The following SLCO1A2 variants were observed in gnomAD, a reference collection of about 807,000 sequenced individuals.
SLCO1A2 encodes the protein solute carrier organic anion transporter family member 1A2, also known as OATP-1.
Under a neutral mutation model 69.0 loss-of-function variants are expected in SLCO1A2, and 67 were observed. That is an observed-to-expected ratio of 0.97 (90% CI 0.80 to 1.19). The LOEUF (loss-of-function observed/expected upper bound fraction) is 1.19. Among genes scored for constraint, SLCO1A2 ranks in the 50% most tolerant of loss-of-function variants. The pLI is 0.00. For missense variants in SLCO1A2, 787 were observed against 793.7 expected (o/e 0.99, Z 0.10); for synonymous variants, 260 against 265.9 (o/e 0.98, Z 0.22).
intron 12 of SLCO1A2, among the ~76,000 whole-genome samples, chr12:21,276,422 A>AGT (rs1398715143): frequency 1.4e-5 from 2 of 148,116 alleles, no homozygotes; most frequent in Non-Finnish European, 3.0e-5. Flanking sequence ...ACACACACAC[A>AGT]CAGACCTATC....
intron 1 of SLCO1A2, among the ~76,000 whole-genome samples, chr12:21,402,481 G>A (rs997752882): frequency 6.6e-6 from 1 of 152,010 alleles, no homozygotes; most frequent in African/African-American, 2.4e-5. Context: ...CCTTATTTTT[G>A]CATACAGTTA....
chr12:21,321,095 C>T (rs1951554172), intron 2 of SLCO1A2, among the ~76,000 whole-genome samples: 1 of 152,162 alleles, frequency 6.6e-6, no homozygotes. Flanking sequence ...TATCCCAAAT[C>T]CACAAGCTAT....
chr12:21,395,068 G>C (rs544978698), exon 1 of SLCO1A2: 1 of 158,410 alleles, frequency 6.3e-6, no homozygotes. Context: ...CCCAGCGTGA[G>C]CGACGCAGAA....
At chr12:21,368,449 T>C (rs890015909) in intron 2 of SLCO1A2, among the ~76,000 whole-genome samples, 2 of 148,430 alleles carry the variant, frequency 1.3e-5, no homozygotes, top group South Asian at 2.2e-4. Context: ...GTTTAGATCC[T>C]GAATCCAACA....
At chr12:21,406,760 A>G (rs1374276827) in intron 1 of SLCO1A2, among the ~76,000 whole-genome samples, 1 of 152,202 alleles carries the variant, frequency 6.6e-6, no homozygotes, top group African/African-American at 2.4e-5. Context: ...CCACTACACT[A>G]TACTGCCTCT....
chr12:21,301,005 G>A (rs1271326815), intron 7 of SLCO1A2, among the ~76,000 whole-genome samples, 166 bp downstream of exon 7: 1 of 152,098 alleles, frequency 6.6e-6, no homozygotes, highest in Non-Finnish European at 1.5e-5. Context: ...TTTCTGGTTT[G>A]GAATATTTTA....
At chr12:21,379,134 A>G (rs2137117003) in intron 1 of SLCO1A2, 1 of 152,358 alleles carries the variant, frequency 6.6e-6, no homozygotes, top group South Asian at 2.1e-4. Flanking sequence ...AGTAATTGTC[A>G]ATACCCCTGT....
At chr12:21,412,440 C>T (rs1380825661) in intron 1 of SLCO1A2, among the ~76,000 whole-genome samples, 1 of 151,992 alleles carries the variant, frequency 6.6e-6, no homozygotes, top group Non-Finnish European at 1.5e-5. Flanking sequence ...GGTCAAGATC[C>T]TTTTCCTTCT....
chr12:21,378,468 A>T, intron 1 of SLCO1A2: 1 of 1,503,862 alleles, frequency 6.6e-7, no homozygotes, highest in Non-Finnish European at 9.3e-7. Context: ...TGTTCTAGTG[A>T]TTTCCTGTAT....
chr12:21,347,972 C>G (rs1196683490), intron 2 of SLCO1A2, among the ~76,000 whole-genome samples: 1 of 152,150 alleles, frequency 6.6e-6, no homozygotes, highest in African/African-American at 2.4e-5. Context: ...GACTTCCAGC[C>G]AAACCATTGT....
chr12:21,331,311 G>T (rs1952601027), intron 2 of SLCO1A2, among the ~76,000 whole-genome samples: 1 of 152,062 alleles, frequency 6.6e-6, no homozygotes, highest in Non-Finnish European at 1.5e-5. Context: ...TAGTGTGGAA[G>T]AAAAGAAAAT....
upstream of SLCO1A2, among the ~76,000 whole-genome samples, chr12:21,396,618 G>C (rs1941470579): frequency 6.6e-6 from 1 of 152,070 alleles, no homozygotes; most frequent in Non-Finnish European, 1.5e-5. Context: ...AGGGCAGCCA[G>C]AGAGAAAGGT....
intron 2 of SLCO1A2, among the ~76,000 whole-genome samples, chr12:21,370,410 T>A (rs1939693270): frequency 6.6e-6 from 1 of 151,800 alleles, no homozygotes; most frequent in Non-Finnish European, 1.5e-5. Flanking sequence ...ACATGTGCCA[T>A]GTTGGTGTGC....
At chr12:21,318,260 AGGC>A (rs1226762815) in intron 3 of SLCO1A2, among the ~76,000 whole-genome samples, 1 of 151,892 alleles carries the variant, frequency 6.6e-6, no homozygotes, top group African/African-American at 2.4e-5. Flanking sequence ...CTGGGACTAC[AGGC>A]GCCCGCCACC....
intron 9 of SLCO1A2, among the ~76,000 whole-genome samples, chr12:21,296,931 T>G (rs1337368745): frequency 6.6e-6 from 1 of 152,138 alleles, no homozygotes; most frequent in Non-Finnish European, 1.5e-5. Context: ...CCACTGAGGT[T>G]AGTGTGGTTG....
intron 2 of SLCO1A2, among the ~76,000 whole-genome samples, chr12:21,349,010 G>T (rs988495138): frequency 6.6e-6 from 1 of 152,104 alleles, no homozygotes; most frequent in Non-Finnish European, 1.5e-5. Context: ...ATACAGCTGT[G>T]GGGGTAGGAG....
chr12:21,354,573 A>T (rs1291365047), intron 2 of SLCO1A2, among the ~76,000 whole-genome samples: 1 of 152,176 alleles, frequency 6.6e-6, no homozygotes, highest in East Asian at 1.9e-4. Flanking sequence ...ATATGTTATG[A>T]TACATTGAAT....
intron 2 of SLCO1A2, among the ~76,000 whole-genome samples, chr12:21,329,726 AT>A (rs909588552): frequency 2.0e-5 from 3 of 147,094 alleles, no homozygotes; most frequent in Non-Finnish European, 4.5e-5. Context: ...TCTATATAAT[AT>A]TTTTATCTTT....
intron 2 of SLCO1A2, among the ~76,000 whole-genome samples, chr12:21,319,157 A>T (rs1204063218): frequency 6.6e-6 from 1 of 152,224 alleles, no homozygotes; most frequent in African/African-American, 2.4e-5. Context: ...AATATTGTAT[A>T]ACATACTGGT....
Sources: allele counts gnomAD v4.1 joint callset (sites outside exome capture counted in the v4.1 genomes callset), GRCh38; gene constraint gnomAD v4.1.1; transcripts MANE v1.5; gene names NCBI Gene and HGNC (gene_info 2026-07-23, HGNC 2026-07-21).